The following FIG4 variants were observed in gnomAD, a reference collection of about 807,000 sequenced individuals.
FIG4 encodes the protein polyphosphoinositide phosphatase.
A neutral mutation model predicts 118.6 loss-of-function variants in FIG4; 112 were observed. That is an observed-to-expected ratio of 0.94 (90% CI 0.81 to 1.11). The LOEUF is 1.11. Among genes scored for constraint, FIG4 ranks in the 50% least tolerant of loss-of-function variants. FIG4 has a pLI of 0.00. For synonymous variants in FIG4, 369 were observed against 381.2 expected, an observed-to-expected ratio of 0.97 and a Z score of 0.37; for missense variants, 969 against 1,111.7, an observed-to-expected ratio of 0.87 and a Z score of 1.83.
At chr6:109,697,186 T>C (rs1053998828) in intron 1 of FIG4, among the ~76,000 whole-genome samples, 5 of 145,090 alleles carry the variant, frequency 3.4e-5, no homozygotes, top group South Asian at 2.2e-4. Context: ...GGCGTGAACC[T>C]GGGAGGTGGA....
chr6:109,719,871 T>C (rs1428704078), intron 3 of FIG4, among the ~76,000 whole-genome samples: 1 of 152,226 alleles, frequency 6.6e-6, no homozygotes, highest in Admixed American at 6.5e-5. Flanking sequence ...ATTTTTAATC[T>C]ATTGATAACC....
chr6:109,755,875 C>G (rs993966951), intron 10 of FIG4, among the ~76,000 whole-genome samples: 6 of 152,154 alleles, frequency 3.9e-5, no homozygotes, highest in Admixed American at 2.6e-4. Context: ...ACTGATGGGT[C>G]TTTACTCTTT....
Position 109,760,401 on chromosome 6 carries a change from G to C in FIG4, c.1271+18G>C. On this transcript the variant is annotated intron_variant, in intron 11 of 22. Coordinates refer to ENST00000230124, the MANE Select transcript of FIG4 (RefSeq NM_014845.6). ...ACCAAAAGGTGAATGATACTCATCTGTCTGGCTATGATCGTTTCCTTTTCT... is the reference window on the plus strand; with the variant it reads ...ACCAAAAGGTGAATGATACTCATCTCTCTGGCTATGATCGTTTCCTTTTCT... 6.2e-7 allele frequency: 1 copy of C among 1,604,878 alleles called. No individual in the cohort carries two copies. The highest frequency in any genetic ancestry group is 8.5e-7 in the Non-Finnish European group (1 of 1,172,118).
chr6:109,794,149 C>T (rs1778212981), intron 21 of FIG4, among the ~76,000 whole-genome samples: 1 of 152,218 alleles, frequency 6.6e-6, no homozygotes, highest in Non-Finnish European at 1.5e-5. Flanking sequence ...GTTTGATATT[C>T]TGAAGATAAT....
rs1044538953 is a variant in FIG4, at chr6:109,777,144, G to C, written c.1889+84G>C. On this transcript the variant is annotated intron_variant, in intron 16 of 22. Transcript: ENST00000230124. ...ATACTTTTCATTTTGAGAAATCATAGGCTAAAATAGTCAGTTTTATTTTAT... is the reference window on the plus strand; with the variant it reads ...ATACTTTTCATTTTGAGAAATCATACGCTAAAATAGTCAGTTTTATTTTAT... 3 of 1,262,736 alleles carry C rather than the reference G, an allele frequency of 2.4e-6. No homozygotes were observed. In the African/African-American group the frequency reaches 4.5e-5, roughly 19 times the overall value. The allele number at this position is 1,262,736 out of a possible 1,614,324, so 78.2% of individuals were successfully genotyped here. A position where few individuals can be genotyped will look rare whatever the true frequency, so the allele number is the denominator to read the frequency against.
chr6:109,770,534 T>A (rs1265869460), intron 15 of FIG4, among the ~76,000 whole-genome samples: 2 of 152,128 alleles, frequency 1.3e-5, no homozygotes, highest in African/African-American at 4.8e-5. Context: ...TACCTGAGAC[T>A]GAGTAATTTC....
At chr6:109,732,451 G>A (rs936594186) in intron 4 of FIG4, among the ~76,000 whole-genome samples, 186 bp from the exon 5 acceptor site, 7 of 152,144 alleles carry the variant, frequency 4.6e-5, no homozygotes, top group African/African-American at 1.7e-4. Flanking sequence ...TAAAGTTAAA[G>A]GTCTCCAAAG....
At position 109,733,025 on chromosome 6, in the gene FIG4, G is replaced by T. The variant is rs557839993; in HGVS notation, c.497+338G>T. Reference sequence around the variant, plus strand: ...TAATAAGAGTTGTAACAATTTCATTGTTCAACTTTTAGTAAATAATCTGGC... The same window carrying T: ...TAATAAGAGTTGTAACAATTTCATTTTTCAACTTTTAGTAAATAATCTGGC... On this transcript the variant is annotated intron_variant, in intron 5 of 22. Transcript: ENST00000230124. Among the ~76,000 whole-genome samples the T allele has an allele frequency of 8.5e-5, 13 of 152,078 alleles. 1 individual carries two copies. Among genetic ancestry groups the T allele is most frequent in the Middle Eastern group, 6.8e-3 (2 of 294 alleles).
At chr6:109,706,224 A>C (rs1370053041) in intron 1 of FIG4, among the ~76,000 whole-genome samples, 1 of 152,232 alleles carries the variant, frequency 6.6e-6, no homozygotes, top group Non-Finnish European at 1.5e-5. Context: ...GGTAGAAACA[A>C]AAGTGCTTTG....
intron 4 of FIG4, among the ~76,000 whole-genome samples, chr6:109,729,036 A>C (rs1431419101): frequency 6.6e-6 from 1 of 152,138 alleles, no homozygotes; most frequent in Non-Finnish European, 1.5e-5. Context: ...AATTAGGAAA[A>C]ACTTTTAATA....
At chr6:109,822,795 A>G (rs1363605773) in intron 22 of FIG4, among the ~76,000 whole-genome samples, 5,175 of 48,428 alleles carry the variant, frequency 0.11, 374 homozygotes, top group African/African-American at 0.24. Flanking sequence ...ATGTATATAT[A>G]TATATATATA....
Position 109,766,807 on chromosome 6 carries a change from G to A in FIG4, c.1662G>A (p.Val554=). The A allele has an allele frequency of 1.9e-6, 3 of 1,613,914 alleles. No individual in the cohort carries two copies. Among genetic ancestry groups the A allele is most frequent in the Non-Finnish European group, 2.5e-6 (3 of 1,179,894 alleles). ...GTGGTTCTCAACTTGTTCATCGTGT[G>A]AAAACCTACAGAAAGATAGCACCAT... ...QYGGSQLVHR[V]KTYRKIAPWT... Residue 554 remains valine (V), a synonymous_variant, in exon 15 of 23, where the codon GTG becomes GTA. Transcript: ENST00000230124.
chr6:109,704,680 A>C (rs2128378954), intron 1 of FIG4, among the ~76,000 whole-genome samples: 1 of 150,290 alleles, frequency 6.7e-6, no homozygotes, highest in Non-Finnish European at 1.5e-5. Context: ...CATCTCAAAA[A>C]AAAAAAAAAA....
intron 15 of FIG4, among the ~76,000 whole-genome samples, chr6:109,772,700 G>T (rs1489167965): frequency 2.0e-5 from 3 of 152,064 alleles, no homozygotes; most frequent in African/African-American, 7.2e-5. Flanking sequence ...TGATCTGCCC[G>T]CCTCAGCCTC....
intron 3 of FIG4, among the ~76,000 whole-genome samples, chr6:109,717,957 C>T (rs1223048618): frequency 6.6e-5 from 10 of 152,096 alleles, no homozygotes; most frequent in Non-Finnish European, 1.5e-4. Context: ...GGTTCGTTCT[C>T]GCATTGCTAT....
chr6:109,782,071 C>T (rs1777822617), intron 16 of FIG4, among the ~76,000 whole-genome samples: 1 of 152,082 alleles, frequency 6.6e-6, no homozygotes, highest in Non-Finnish European at 1.5e-5. Flanking sequence ...AAAAATTTTC[C>T]CTAACCTTCC....
At chr6:109,729,975 A>G (rs1483721510) in intron 4 of FIG4, among the ~76,000 whole-genome samples, 2 of 152,102 alleles carry the variant, frequency 1.3e-5, no homozygotes, top group African/African-American at 4.8e-5. Context: ...ATCTCTACAT[A>G]ATTGGAGAGA....
At chr6:109,700,296 AG>A (rs1774867740) in intron 1 of FIG4, among the ~76,000 whole-genome samples, 2 of 152,252 alleles carry the variant, frequency 1.3e-5, no homozygotes, top group East Asian at 3.8e-4. Context: ...TGAAAGTCTT[AG>A]TAGCCTGAAC....
At chr6:109,796,743 T>C in intron 21 of FIG4, 22 bp from the exon 22 acceptor site, 1 of 1,436,796 alleles carries the variant, frequency 7.0e-7, no homozygotes, top group Non-Finnish European at 9.8e-7. Context: ...TTTAGCTGAC[T>C]CTTATCCATT....
Sources: allele counts gnomAD v4.1 joint callset (sites outside exome capture counted in the v4.1 genomes callset), GRCh38; gene constraint gnomAD v4.1.1; transcripts MANE v1.5; gene names NCBI Gene and HGNC (gene_info 2026-07-23, HGNC 2026-07-21).